Variants in LRRC4C observed in about 807,000 individuals in gnomAD.
LRRC4C encodes leucine-rich repeat-containing protein 4C.
In LRRC4C, 5 loss-of-function variants were observed where a neutral mutation model predicts 33.6. That is an observed-to-expected ratio of 0.15 (90% CI 0.08 to 0.31). LRRC4C has a LOEUF of 0.31. LRRC4C is among the 10% of genes least tolerant of loss of function. The pLI is 1.00. For missense variants in LRRC4C, 560 were observed against 796.7 expected (o/e 0.70, Z 3.58); for synonymous variants, 329 against 302.0 (o/e 1.09, Z -0.93).
At chr11:40,425,597 T>G (rs981004464) in intron 3 of LRRC4C, among the ~76,000 whole-genome samples, 2 of 152,078 alleles carry the variant, frequency 1.3e-5, no homozygotes, top group Non-Finnish European at 2.9e-5. Context: ...GGTAAGAAGT[T>G]AAGAATGGAA....
chr11:40,688,927 G>A (rs1199124951), intron 2 of LRRC4C, among the ~76,000 whole-genome samples: 1 of 152,064 alleles, frequency 6.6e-6, no homozygotes, highest in Non-Finnish European at 1.5e-5. Flanking sequence ...GTACTTCACC[G>A]AGGTGTAAAT....
intron 1 of LRRC4C, among the ~76,000 whole-genome samples, chr11:41,445,865 C>CGTGTGTGTGTGTGTGTGT (rs748457357): frequency 0.2 from 26,406 of 135,336 alleles, 2,791 homozygotes; most frequent in Middle Eastern, 0.26. Flanking sequence ...TGAGTGACTG[C>CGTGTGTGTGTGTGTGTGT]ATGTGTGTGT....
intron 1 of LRRC4C, among the ~76,000 whole-genome samples, chr11:41,069,254 T>G (rs1006807002): frequency 1.3e-5 from 2 of 152,310 alleles, no homozygotes; most frequent in South Asian, 2.1e-4. Context: ...AAACTAGGTA[T>G]TGATGGAACA....
At chr11:41,083,199 A>T (rs1246761122) in intron 1 of LRRC4C, among the ~76,000 whole-genome samples, 1 of 152,112 alleles carries the variant, frequency 6.6e-6, no homozygotes, top group Non-Finnish European at 1.5e-5. Context: ...TGAATTTTGG[A>T]TAACCCACAA....
intron 1 of LRRC4C, among the ~76,000 whole-genome samples, chr11:41,170,853 C>A (rs1185341129): frequency 6.6e-6 from 1 of 152,178 alleles, no homozygotes; most frequent in Non-Finnish European, 1.5e-5. Flanking sequence ...GCAACCTACT[C>A]ATTGGACAAA....
chr11:41,147,223 T>A (rs1373171819), intron 1 of LRRC4C, among the ~76,000 whole-genome samples: 2 of 152,170 alleles, frequency 1.3e-5, no homozygotes, highest in Non-Finnish European at 2.9e-5. Context: ...AGCACACAGA[T>A]CTCTCACAGG....
At chr11:41,321,818 C>G (rs965027637) in intron 1 of LRRC4C, among the ~76,000 whole-genome samples, 2 of 152,050 alleles carry the variant, frequency 1.3e-5, no homozygotes, top group African/African-American at 2.4e-5. Flanking sequence ...AAAGGAGTAG[C>G]CTGTGTGCAT....
At chr11:40,488,291 A>G (rs941698434) in intron 3 of LRRC4C, among the ~76,000 whole-genome samples, 11 of 147,876 alleles carry the variant, frequency 7.4e-5, no homozygotes, top group Non-Finnish European at 1.2e-4. Flanking sequence ...TCCCCCCCCC[A>G]CTTAAAGGAA....
At chr11:40,482,977 T>G (rs1953666488) in intron 3 of LRRC4C, among the ~76,000 whole-genome samples, 1 of 152,236 alleles carries the variant, frequency 6.6e-6, no homozygotes, top group Non-Finnish European at 1.5e-5. Flanking sequence ...GGATTTTGGA[T>G]GCATATTGCA....
intron 2 of LRRC4C, among the ~76,000 whole-genome samples, chr11:40,847,698 T>C (rs1056323318): frequency 6.6e-6 from 1 of 152,112 alleles, no homozygotes; most frequent in Non-Finnish European, 1.5e-5. Flanking sequence ...TTTTCCATTG[T>C]TGGAAATAGT....
chr11:40,895,356 T>C (rs1312578512), intron 2 of LRRC4C, among the ~76,000 whole-genome samples: 1 of 151,714 alleles, frequency 6.6e-6, no homozygotes, highest in Non-Finnish European at 1.5e-5. Context: ...TAAATTTTTA[T>C]CTAAACTAAT....
At chr11:40,151,769 G>C (rs11035716) in intron 5 of LRRC4C, among the ~76,000 whole-genome samples, 14,183 of 152,180 alleles carry the variant, frequency 0.093, 1,081 homozygotes, top group East Asian at 0.41. Flanking sequence ...GGCAACATGA[G>C]ATCTCTGTCA....
intron 1 of LRRC4C, among the ~76,000 whole-genome samples, chr11:41,161,818 G>C (rs1175458476): frequency 6.6e-6 from 1 of 152,154 alleles, no homozygotes; most frequent in Non-Finnish European, 1.5e-5. Context: ...ACAGTATAAA[G>C]TTGTCTAACT....
At position 40,760,880 on chromosome 11, in the gene LRRC4C, A is replaced by AAT. The variant is rs199992857; in HGVS notation, c.-406-112604_-406-112603dup. On this transcript the variant is annotated intron_variant, in intron 2 of 6. Coordinates refer to ENST00000528697, the MANE Select transcript of LRRC4C (RefSeq NM_001258419.2). ...GTATATATGTATGTATATTATATAT[A>AAT]ATATATATATATAAATATATATTAT... is the stretch of plus-strand genomic sequence containing the variant. Among the ~76,000 whole-genome samples the AAT allele has an allele frequency of 1.1e-3, 162 of 145,970 alleles. 1 individual carries two copies. In the East Asian group the frequency reaches 0.019, roughly 18 times the overall value.
chr11:40,444,914 G>A (rs1336910065), intron 3 of LRRC4C, among the ~76,000 whole-genome samples: 2 of 152,102 alleles, frequency 1.3e-5, no homozygotes, highest in African/African-American at 2.4e-5. Context: ...AAGGTACAAA[G>A]GGAAAGTTCT....
At chr11:40,300,057 T>A (rs1944694917) in intron 4 of LRRC4C, among the ~76,000 whole-genome samples, 1 of 152,146 alleles carries the variant, frequency 6.6e-6, no homozygotes, top group South Asian at 2.1e-4. Context: ...AGGGAGCTTC[T>A]ACTCATGGTG....
chr11:41,004,183 T>C (rs975522185), intron 1 of LRRC4C, among the ~76,000 whole-genome samples: 1 of 152,038 alleles, frequency 6.6e-6, no homozygotes, highest in Non-Finnish European at 1.5e-5. Flanking sequence ...CATTTAGCAA[T>C]GTCCTCTTTT....
chr11:40,825,281 C>T (rs887752359), intron 2 of LRRC4C, among the ~76,000 whole-genome samples: 1 of 151,808 alleles, frequency 6.6e-6, no homozygotes, highest in Admixed American at 6.6e-5. Context: ...GCCGTGTTGC[C>T]GAGATCTAAA....
chr11:41,188,532 C>A (rs1452806922), intron 1 of LRRC4C, among the ~76,000 whole-genome samples: 2 of 151,852 alleles, frequency 1.3e-5, no homozygotes, highest in Non-Finnish European at 2.9e-5. Flanking sequence ...TACAAATTTT[C>A]TTATCCTTTA....
Sources: gnomAD v4.1 joint callset for allele counts (sites outside exome capture counted in the v4.1 genomes callset) on GRCh38, gnomAD v4.1.1 for gene constraint, MANE v1.5 for transcripts, NCBI Gene and HGNC (gene_info 2026-07-23, HGNC 2026-07-21) for gene names.